The following PCDH15 variants were observed in gnomAD, a reference collection of about 807,000 sequenced individuals.
PCDH15 encodes protocadherin-15.
PCDH15 carries 129 observed loss-of-function variants against 178.5 expected under a neutral mutation model. The ratio of observed to expected loss-of-function variants is 0.72; its 90% confidence interval spans 0.63 to 0.84. PCDH15 has a LOEUF of 0.84. Among genes scored for constraint, PCDH15 ranks in the 40% least tolerant of loss-of-function variants. PCDH15 has a pLI of 0.00. For missense variants in PCDH15, 2,230 were observed against 2,099.9 expected (o/e 1.06, Z -1.21); for synonymous variants, 800 against 732.0 (o/e 1.09, Z -1.50).
At chr10:55,006,544 C>T (rs552875382) in intron 2 of PCDH15, among the ~76,000 whole-genome samples, 1 of 152,260 alleles carries the variant, frequency 6.6e-6, no homozygotes, top group Admixed American at 6.5e-5. Context: ...CCTCTTGGCT[C>T]ATGGGGGTGG....
intron 3 of PCDH15, among the ~76,000 whole-genome samples, chr10:54,823,175 G>C (rs925658167): frequency 3.3e-5 from 5 of 151,080 alleles, no homozygotes; most frequent in African/African-American, 4.9e-5. Flanking sequence ...AGCCTGTAAT[G>C]GGTTAATATA....
intron 1 of PCDH15, among the ~76,000 whole-genome samples, chr10:54,688,055 TAAAAA>T: frequency 6.6e-6 from 1 of 151,764 alleles, no homozygotes; most frequent in South Asian, 2.1e-4. Context: ...AAAATAAAAT[TAAAAA>T]AATTTAAAAA....
At chr10:54,260,948 T>C (rs1469424998) in intron 8 of PCDH15, among the ~76,000 whole-genome samples, 1 of 152,316 alleles carries the variant, frequency 6.6e-6, no homozygotes, top group East Asian at 1.9e-4. Flanking sequence ...TTTATGCTTT[T>C]AAATGGCTTT....
At chr10:55,508,997 C>G (rs1160172382) in intron 2 of PCDH15, among the ~76,000 whole-genome samples, 1 of 151,586 alleles carries the variant, frequency 6.6e-6, no homozygotes, top group Non-Finnish European at 1.5e-5. Context: ...TTTCATAACA[C>G]AAAAGCTGAA....
intron 2 of PCDH15, among the ~76,000 whole-genome samples, chr10:55,619,985 A>G (rs1483460383): frequency 1.3e-5 from 2 of 152,060 alleles, no homozygotes; most frequent in Non-Finnish European, 2.9e-5. Flanking sequence ...GGAGATGGGT[A>G]GGAGTACTAT....
rs1203860584 is a variant in PCDH15 at position 54,105,309 on chromosome 10, T to C, written c.1918-15246A>G. 1.9e-3 allele frequency among the ~76,000 whole-genome samples: 158 copies of C among 81,500 alleles called. 2 individuals are homozygous for C. The highest frequency in any genetic ancestry group is 0.012 in the African/African-American group (147 of 12,462). The allele number at this position is 81,500 out of a possible 152,430, so 53.5% of individuals were successfully genotyped here. ...ATATATATATATATATATATATATATATATATATACACACACACATACATA... is the reference window on the plus strand; with the variant it reads ...ATATATATATATATATATATATATACATATATATACACACACACATACATA... On this transcript the variant is annotated intron_variant, in intron 15 of 37. Coordinates refer to ENST00000644397, the MANE Select transcript of PCDH15 (RefSeq NM_001384140.1).
chr10:55,363,826 C>G (rs866404430), intron 2 of PCDH15, among the ~76,000 whole-genome samples: 4 of 151,958 alleles, frequency 2.6e-5, no homozygotes, highest in Non-Finnish European at 5.9e-5. Flanking sequence ...TTAGTAGACA[C>G]GAGATTTCAC....
chr10:55,012,772 T>C (rs548769782), intron 2 of PCDH15, among the ~76,000 whole-genome samples: 1 of 152,172 alleles, frequency 6.6e-6, no homozygotes, highest in Admixed American at 6.5e-5. Flanking sequence ...TTAACATATG[T>C]CAGGACAGTG....
chr10:54,186,114 A>C (rs1169589008), intron 11 of PCDH15, among the ~76,000 whole-genome samples: 2 of 152,150 alleles, frequency 1.3e-5, no homozygotes, highest in East Asian at 3.9e-4. Flanking sequence ...GTAGGAAAGA[A>C]AGGCAGGTGG....
chr10:53,984,876 T>C (rs1245387890), intron 21 of PCDH15, among the ~76,000 whole-genome samples: 1 of 152,220 alleles, frequency 6.6e-6, no homozygotes, highest in Non-Finnish European at 1.5e-5. Flanking sequence ...CTTCCTATTC[T>C]GATTTTTTGG....
intron 1 of PCDH15, among the ~76,000 whole-genome samples, chr10:54,751,611 C>T (rs1409348501): frequency 6.6e-6 from 1 of 152,110 alleles, no homozygotes; most frequent in East Asian, 1.9e-4. Flanking sequence ...AAATGTCTAG[C>T]CAATTTACTA....
At chr10:54,856,043 T>C (rs1034974080) in intron 3 of PCDH15, among the ~76,000 whole-genome samples, 9 of 152,358 alleles carry the variant, frequency 5.9e-5, no homozygotes, top group African/African-American at 2.2e-4. Context: ...TCTTTTCCAA[T>C]TGCGATAGTT....
intron 2 of PCDH15, among the ~76,000 whole-genome samples, chr10:55,121,125 C>T (rs367655562): frequency 2.6e-5 from 4 of 152,056 alleles, no homozygotes; most frequent in South Asian, 2.1e-4. Context: ...CATGGGGATG[C>T]GGTGCTTTAG....
chr10:54,467,941 A>C (rs911086505), intron 3 of PCDH15, among the ~76,000 whole-genome samples: 2 of 151,810 alleles, frequency 1.3e-5, no homozygotes, highest in East Asian at 3.9e-4. Flanking sequence ...CTAGGCTTTC[A>C]AATTAGTTAG....
chr10:54,708,150 G>A (rs2095386150), intron 1 of PCDH15, among the ~76,000 whole-genome samples: 1 of 152,186 alleles, frequency 6.6e-6, no homozygotes, highest in South Asian at 2.1e-4. Context: ...GGCTGTAGAA[G>A]CAGGCCAAGA....
intron 7 of PCDH15, among the ~76,000 whole-genome samples, chr10:54,321,925 A>G (rs2133759694): frequency 6.6e-6 from 1 of 152,128 alleles, no homozygotes; most frequent in African/African-American, 2.4e-5. Context: ...ACCAACACAT[A>G]TCACATAGGA....
chr10:55,226,339 C>G (rs930633993), intron 1 of PCDH15, among the ~76,000 whole-genome samples: 10 of 151,812 alleles, frequency 6.6e-5, no homozygotes, highest in Non-Finnish European at 1.5e-4. Context: ...ACTAACAAAA[C>G]AGAATAGTTT....
Position 53,985,093 on chromosome 10 carries a change from C to T in PCDH15, c.2868+10556G>A, listed in dbSNP as rs116017863. On this transcript the variant is annotated intron_variant, in intron 21 of 37. Coordinates refer to ENST00000644397, the MANE Select transcript of PCDH15 (RefSeq NM_001384140.1). ...GACAAGGTCAGCCAACTCCTAGCTG[C>T]CTCACAGACCCATAAATAAAAATAT... Among the ~76,000 whole-genome samples, 1,117 of 152,232 alleles carry T rather than the reference C, an allele frequency of 7.3e-3. 11 individuals carry two copies. The highest frequency in any genetic ancestry group is 0.022 in the African/African-American group (917 of 41,546).
chr10:54,544,918 T>C (rs556932657), intron 2 of PCDH15, among the ~76,000 whole-genome samples: 1 of 152,306 alleles, frequency 6.6e-6, no homozygotes, highest in Non-Finnish European at 1.5e-5. Context: ...ATTTTGGTAA[T>C]ATGTCTATCA....
Sources: allele counts gnomAD v4.1 joint callset (sites outside exome capture counted in the v4.1 genomes callset), GRCh38; gene constraint gnomAD v4.1.1; transcripts MANE v1.5; gene names NCBI Gene and HGNC (gene_info 2026-07-23, HGNC 2026-07-21).